The following SLC17A1 variants were observed in gnomAD, a reference collection of about 807,000 sequenced individuals.
SLC17A1 encodes sodium-dependent phosphate transport protein 1.
In SLC17A1, 51 loss-of-function variants were observed where a neutral mutation model predicts 53.5. The ratio of observed to expected loss-of-function variants is 0.95; its 90% CI spans 0.76 to 1.20. The LOEUF (loss-of-function observed/expected upper bound fraction) is 1.20, where lower values mean the gene tolerates loss of function less well. SLC17A1 is among the 50% of genes most tolerant of loss of function. The pLI, the probability that SLC17A1 is intolerant of heterozygous loss-of-function variation, is 0.00. For missense variants in SLC17A1, 538 were observed against 568.2 expected, an observed-to-expected ratio of 0.95 and a Z score of 0.54; for synonymous variants, 179 against 198.8, an observed-to-expected ratio of 0.90 and a Z score of 0.84.
At chr6:25,802,194 A>G (rs375998214) in intron 10 of SLC17A1, among the ~76,000 whole-genome samples, 8 of 152,050 alleles carry the variant, frequency 5.3e-5, no homozygotes, top group East Asian at 3.9e-4. Flanking sequence ...ACATTAAATC[A>G]TTTTCTTCCA....
chr6:25,795,349 A>T (rs1165155), intron 12 of SLC17A1, among the ~76,000 whole-genome samples: 58,191 of 152,058 alleles, frequency 0.38, 11,990 homozygotes, highest in East Asian at 0.7. Flanking sequence ...GGAAGGAGAA[A>T]AAAAGCAGAA....
At chr6:25,741,312 G>A in the SLC17A1 span, among the ~76,000 whole-genome samples, 10 of 149,884 alleles carry the variant, frequency 6.7e-5, no homozygotes, top group East Asian at 2.0e-3. Context: ...GCTCACACCT[G>A]TAATCCCAGC....
At chr6:25,795,816 T>C (rs1561825542) in intron 12 of SLC17A1, among the ~76,000 whole-genome samples, 1 of 152,180 alleles carries the variant, frequency 6.6e-6, no homozygotes, top group Admixed American at 6.5e-5. Flanking sequence ...GTAAAAATTA[T>C]GGAATGGGAA....
the SLC17A1 span, chr6:25,726,122 C>CA: frequency 6.6e-7 from 1 of 1,510,374 alleles, no homozygotes; most frequent in Non-Finnish European, 8.9e-7. Flanking sequence ...TTACCAATGA[C>CA]AACCTTAAGT....
chr6:25,825,018 A>G lies in SLC17A1; in HGVS notation c.207+1443T>C, dbSNP rs369701474. Among the ~76,000 whole-genome samples, 4 of 151,968 alleles carry G rather than the reference A, an allele frequency of 2.6e-5. No homozygotes were observed. The East Asian group carries it at 5.8e-4, about 22-fold the overall frequency. ...ACTCTGCTTTGTCTAAAATTAATAT[A>G]GCTACTTCAGTTTTCTTTTGATTTG... On this transcript the variant is annotated intron_variant, in intron 3 of 12. Transcript: ENST00000244527.
chr6:25,815,445 T>G (rs1764316079), intron 6 of SLC17A1, among the ~76,000 whole-genome samples: 1 of 152,082 alleles, frequency 6.6e-6, no homozygotes, highest in African/African-American at 2.4e-5. Context: ...AAAACGGGAA[T>G]GAAGTACTAT....
chr6:25,751,751 T>A, the SLC17A1 span, among the ~76,000 whole-genome samples: 101 of 152,292 alleles, frequency 6.6e-4, 2 homozygotes, highest in East Asian at 0.017. Context: ...GATAGAGCCA[T>A]CATCAGTTTA....
chr6:25,804,958 A>T (rs1195219320), intron 10 of SLC17A1, among the ~76,000 whole-genome samples: 3 of 152,110 alleles, frequency 2.0e-5, no homozygotes, highest in Admixed American at 6.5e-5. Flanking sequence ...CACTCCACTG[A>T]CAGCAGTAGA....
chr6:25,760,503 A>G, the SLC17A1 span, among the ~76,000 whole-genome samples: 1 of 152,166 alleles, frequency 6.6e-6, no homozygotes, highest in South Asian at 2.1e-4. Flanking sequence ...AATCTGAGAA[A>G]TCTTGTGGTT....
At chr6:25,781,847 T>C (rs1043399174), downstream of SLC17A1, among the ~76,000 whole-genome samples, 1 of 152,098 alleles carries the variant, frequency 6.6e-6, no homozygotes, top group African/African-American at 2.4e-5. Context: ...CAAATTTCAA[T>C]ATTAGATTTG....
chr6:25,764,754 C>T, the SLC17A1 span, among the ~76,000 whole-genome samples: 12 of 152,282 alleles, frequency 7.9e-5, no homozygotes, highest in African/African-American at 2.4e-4. Flanking sequence ...CTGGGTGAAG[C>T]GTGCATGGGT....
chr6:25,775,670 C>T, the SLC17A1 span, among the ~76,000 whole-genome samples: 1 of 152,228 alleles, frequency 6.6e-6, no homozygotes, highest in East Asian at 1.9e-4. Context: ...TCAAGTGATC[C>T]TCCCACTACA....
chr6:25,732,339 T>TC, the SLC17A1 span, among the ~76,000 whole-genome samples: 1 of 152,356 alleles, frequency 6.6e-6, no homozygotes, highest in South Asian at 2.1e-4. Flanking sequence ...TAGATGGCTA[T>TC]CAGCCAATCA....
At chr6:25,779,009 C>T (rs1161720397), downstream of SLC17A1, 3 of 1,606,376 alleles carry the variant, frequency 1.9e-6, no homozygotes, top group Admixed American at 5.0e-5. Context: ...CCAAGAGGGA[C>T]AGGAATTGGG....
chr6:25,807,589 T>C (rs1764003283), intron 10 of SLC17A1, among the ~76,000 whole-genome samples: 1 of 151,990 alleles, frequency 6.6e-6, no homozygotes, highest in Non-Finnish European at 1.5e-5. Flanking sequence ...ACCCAATGTG[T>C]AGTATTTTAA....
Position 25,812,727 on chromosome 6 carries a change from T to C in SLC17A1, c.897+104A>G, listed in dbSNP as rs560638767. 57 of 762,328 alleles carry C rather than the reference T, an allele frequency of 7.5e-5. 2 individuals carry two copies. In the Middle Eastern group the frequency reaches 1.9e-3, roughly 25 times the overall value. 47.2% of individuals were successfully genotyped at this position (762,328 alleles called of 1,614,324 possible). On this transcript the variant is annotated intron_variant, in intron 8 of 12. Transcript: ENST00000244527. ...TTCCAGGTGAAGAGCAGTAGCCAGA[T>C]AGTGTGAGGAGCTGGCAAGAGCTGC...
the SLC17A1 span, among the ~76,000 whole-genome samples, chr6:25,725,034 AG>A: frequency 1.3e-5 from 1 of 76,676 alleles, no homozygotes; most frequent in African/African-American, 4.5e-5. Flanking sequence ...TTTTTTTTTG[AG>A]GTAAGGTCAA....
chr6:25,753,974 G>A, the SLC17A1 span, among the ~76,000 whole-genome samples: 33 of 152,184 alleles, frequency 2.2e-4, no homozygotes, highest in African/African-American at 8.0e-4. Context: ...TATTGACAAG[G>A]AACAACCAAT....
At chr6:25,726,282 G>A in the SLC17A1 span, 41 of 1,613,978 alleles carry the variant, frequency 2.5e-5, no homozygotes, top group African/African-American at 4.0e-4. Context: ...GCTGCAGGTG[G>A]CGGGGAATAA....
Sources: gnomAD v4.1 joint callset for allele counts (sites outside exome capture counted in the v4.1 genomes callset) on GRCh38, gnomAD v4.1.1 for gene constraint, MANE v1.5 for transcripts, NCBI Gene and HGNC (gene_info 2026-07-23, HGNC 2026-07-21) for gene names.